Variants in HDAC9 observed in about 807,000 individuals in gnomAD.
HDAC9 encodes histone deacetylase 9, also known as MEF-2 interacting transcription repressor (MITR) protein.
HDAC9 carries 41 observed loss-of-function variants against 139.4 expected under a neutral mutation model. That is an observed-to-expected ratio of 0.29 (90% CI 0.23 to 0.38). The LOEUF is 0.38. HDAC9 is among the 10% of genes least tolerant of loss of function. The pLI is 1.00. For synonymous variants in HDAC9, 517 were observed against 476.2 expected (o/e 1.09, Z -1.12); for missense variants, 1,147 against 1,297.0 (o/e 0.88, Z 1.78).
At chr7:18,872,618 G>A (rs1297101987) in intron 21 of HDAC9, among the ~76,000 whole-genome samples, 1 of 152,036 alleles carries the variant, frequency 6.6e-6, no homozygotes, top group East Asian at 1.9e-4. Flanking sequence ...GCTTTTTGTG[G>A]CTTCTCTGTA....
At chr7:18,330,005 G>A (rs201111223) in intron 1 of HDAC9, among the ~76,000 whole-genome samples, 3,643 of 9,364 alleles carry the variant, frequency 0.39, 66 homozygotes, top group South Asian at 0.49. Flanking sequence ...GTGTGTGTGT[G>A]TTCCGTGTGT....
At chr7:18,628,743 A>G (rs896037642) in intron 6 of HDAC9, among the ~76,000 whole-genome samples, 1 of 152,172 alleles carries the variant, frequency 6.6e-6, no homozygotes, top group Non-Finnish European at 1.5e-5. Context: ...CTGATAGTAT[A>G]CTGCATGTAT....
At chr7:18,245,015 A>G (rs545042353) in intron 2 of HDAC9, among the ~76,000 whole-genome samples, 1 of 151,918 alleles carries the variant, frequency 6.6e-6, no homozygotes, top group Admixed American at 6.6e-5. Context: ...CTATCTATCT[A>G]TCTATCTATT....
At chr7:18,751,806 C>A (rs1788472607) in intron 14 of HDAC9, among the ~76,000 whole-genome samples, 1 of 152,078 alleles carries the variant, frequency 6.6e-6, no homozygotes, top group Non-Finnish European at 1.5e-5. Context: ...AAGGGAAACA[C>A]TATTTTCATA....
chr7:18,817,572 T>G (rs1794666204), intron 17 of HDAC9, among the ~76,000 whole-genome samples: 1 of 152,216 alleles, frequency 6.6e-6, no homozygotes, highest in Non-Finnish European at 1.5e-5. Context: ...CTGTACAACT[T>G]AATATAAAAA....
intron 1 of HDAC9, among the ~76,000 whole-genome samples, chr7:18,353,833 A>G (rs1234565407): frequency 1.3e-5 from 2 of 152,140 alleles, no homozygotes; most frequent in African/African-American, 4.8e-5. Context: ...GATTACCACC[A>G]CCTGGTGTAA....
chr7:18,366,213 G>T (rs562535500), intron 1 of HDAC9, among the ~76,000 whole-genome samples: 1 of 152,238 alleles, frequency 6.6e-6, no homozygotes, highest in African/African-American at 2.4e-5. Flanking sequence ...CTGCAGAACT[G>T]CTGTAAGCAA....
intron 1 of HDAC9, among the ~76,000 whole-genome samples, chr7:18,369,156 G>A (rs1784404721): frequency 1.3e-5 from 2 of 152,090 alleles, no homozygotes; most frequent in South Asian, 4.1e-4. Context: ...TAATTTAGTA[G>A]ATCCTTCTAT....
chr7:18,612,534 T>C (rs1424006583), intron 6 of HDAC9, among the ~76,000 whole-genome samples: 1 of 152,044 alleles, frequency 6.6e-6, no homozygotes, highest in Non-Finnish European at 1.5e-5. Flanking sequence ...CTGAGGAGTC[T>C]CACTGAAGAC....
At chr7:18,550,074 A>T (rs1816603146) in intron 2 of HDAC9, among the ~76,000 whole-genome samples, 1 of 151,452 alleles carries the variant, frequency 6.6e-6, no homozygotes, top group Non-Finnish European at 1.5e-5. Flanking sequence ...TTTTCCTGTC[A>T]TTATAATTTG....
At chr7:18,192,203 T>C (rs1411848970) in intron 2 of HDAC9, among the ~76,000 whole-genome samples, 1 of 152,186 alleles carries the variant, frequency 6.6e-6, no homozygotes, top group Admixed American at 6.5e-5. Flanking sequence ...AAGTTAATTT[T>C]TTTTTATTTC....
intron 2 of HDAC9, among the ~76,000 whole-genome samples, chr7:18,206,937 T>C (rs1584631934): frequency 6.6e-6 from 1 of 151,318 alleles, no homozygotes. Flanking sequence ...TTTCTTTTTT[T>C]TTTTTTTTTG....
intron 21 of HDAC9, among the ~76,000 whole-genome samples, chr7:18,857,160 G>T (rs1432682596): frequency 6.6e-6 from 1 of 151,686 alleles, no homozygotes; most frequent in Non-Finnish European, 1.5e-5. Flanking sequence ...CTTTTGTCTG[G>T]AAGTATTTAT....
chr7:18,745,947 A>G (rs1054441013), intron 13 of HDAC9, among the ~76,000 whole-genome samples: 1 of 131,454 alleles, frequency 7.6e-6, no homozygotes, highest in African/African-American at 3.0e-5. Flanking sequence ...GCTGGAGTGC[A>G]GTGGCTCAAT....
intron 25 of HDAC9, among the ~76,000 whole-genome samples, chr7:18,989,422 C>A (rs190756220): frequency 1.3e-4 from 20 of 152,102 alleles, no homozygotes; most frequent in Non-Finnish European, 2.2e-4. Flanking sequence ...CCAAGAGATC[C>A]GCTCTTAGTC....
chr7:18,353,739 C>G (rs1370696948), intron 1 of HDAC9, among the ~76,000 whole-genome samples: 1 of 152,180 alleles, frequency 6.6e-6, no homozygotes, highest in East Asian at 1.9e-4. Context: ...GAGCTATTTT[C>G]TGCCTAAGCA....
chr7:18,382,440 A>C (rs1785524646), intron 1 of HDAC9, among the ~76,000 whole-genome samples: 1 of 152,252 alleles, frequency 6.6e-6, no homozygotes, highest in Admixed American at 6.5e-5. Flanking sequence ...TTGTTTTTGC[A>C]AGATTTTATT....
intron 7 of HDAC9, among the ~76,000 whole-genome samples, chr7:18,633,810 T>A (rs2269750): frequency 6.6e-6 from 1 of 152,078 alleles, no homozygotes; most frequent in Non-Finnish European, 1.5e-5. Flanking sequence ...TTCTAGGAAA[T>A]GGAAATTTAT....
intron 1 of HDAC9, among the ~76,000 whole-genome samples, chr7:18,427,410 A>ATT (rs66479022): frequency 4.7e-5 from 7 of 148,732 alleles, no homozygotes; most frequent in East Asian, 3.9e-4. Context: ...TTATTTCTTT[A>ATT]TTTTTTTTTT....
Sources: allele counts gnomAD v4.1 joint callset (sites outside exome capture counted in the v4.1 genomes callset), GRCh38; gene constraint gnomAD v4.1.1; transcripts MANE v1.5; gene names NCBI Gene and HGNC (gene_info 2026-07-23, HGNC 2026-07-21).